ABCA9: variants seen among roughly 807,000 people sequenced by gnomAD.
ABCA9 encodes ATP binding cassette subfamily A member 9, also known as ATP-binding cassette sub-family A member 9.
In ABCA9, 183 loss-of-function variants were observed where a neutral mutation model predicts 205.3. That is an observed-to-expected ratio of 0.89 (90% CI 0.79 to 1.01). ABCA9 has a LOEUF of 1.01. Among genes scored for constraint, ABCA9 ranks in the 50% least tolerant of loss-of-function variants. The probability of loss-of-function intolerance (pLI) is 0.00; values close to 1 mark genes in which losing one functional copy is unlikely to be tolerated. For missense variants in ABCA9, 1,805 were observed against 1,912.4 expected (o/e 0.94, Z 1.05); for synonymous variants, 651 against 683.3 (o/e 0.95, Z 0.74).
rs765755245 is a variant in ABCA9 at position 68,990,850 on chromosome 17, C to T, written c.3824G>A (p.Arg1275Gln). 57 of 1,613,036 alleles carry T rather than the reference C, an allele frequency of 3.5e-5. No homozygotes were observed. In the South Asian group the frequency reaches 4.7e-4, roughly 13 times the overall value. Reference sequence around the variant, plus strand: ...TCTGAGTTCTACCTCATCAAAGTCTCGCACAGCCATAGCATTCACTGTTCT... The same window carrying T: ...TCTGAGTTCTACCTCATCAAAGTCTTGCACAGCCATAGCATTCACTGTTCT... ...RMRTVNAMAV[R>Q]DFDETPVIIA... is the part of the protein sequence containing the mutation. Residue 1275 changes from arginine to glutamine, a missense_variant, in exon 29 of 39, where the codon CGA (arginine) becomes CAA (glutamine). Physicochemically the swap from Arg to Gln is conservative, Grantham distance 43 (BLOSUM62 1). Transcript: ENST00000340001.
chr17:69,031,273 A>C (rs764771852), intron 10 of ABCA9, among the ~76,000 whole-genome samples: 1 of 152,230 alleles, frequency 6.6e-6, no homozygotes, highest in Non-Finnish European at 1.5e-5. Context: ...TGGAAAGAAC[A>C]TAAAACTTAG....
Position 69,011,810 on chromosome 17 carries a change from A to AGAT in ABCA9, c.3147+163_3147+165dup, listed in dbSNP as rs1209507967. ...CTGAGGTCTCACATTTGTTTCAGAA[A>AGAT]GATAGCATTTTCTTCATATTTGACA... On this transcript the variant is annotated intron_variant, in intron 23 of 38. Coordinates refer to ENST00000340001, the MANE Select transcript of ABCA9 (RefSeq NM_080283.4). The AGAT allele has an allele frequency of 2.7e-5, 13 of 486,884 alleles. No individual in the cohort carries two copies. The East Asian group carries it at 3.9e-4, about 15-fold the overall frequency. The allele number at this position is 486,884 out of a possible 1,614,324, so 30.2% of individuals were successfully genotyped here. A position where few individuals can be genotyped will look rare whatever the true frequency, so the allele number is the denominator to read the frequency against.
intron 19 of ABCA9, 30 bp from the exon 20 acceptor site, chr17:69,018,609 A>T: frequency 6.6e-7 from 1 of 1,516,952 alleles, no homozygotes; most frequent in Non-Finnish European, 8.8e-7. Flanking sequence ...AAAGAAAAAA[A>T]TAATTTTAGC....
chr17:69,024,152 C>A, intron 17 of ABCA9, 62 bp downstream of exon 17: 2 of 1,551,922 alleles, frequency 1.3e-6, no homozygotes, highest in Non-Finnish European at 1.8e-6. Context: ...TCATTCTTAT[C>A]ACCACTGTTA....
In ABCA9 at chr17:68,990,874, C is replaced by T; in HGVS notation, c.3800G>A (p.Arg1267Lys). The T allele has an allele frequency of 6.2e-7, 1 of 1,613,974 alleles. No individual in the cohort carries two copies. The highest frequency in any genetic ancestry group is 8.5e-7 in the Non-Finnish European group (1 of 1,179,928). ...EEEDIQMERM[R>K]TVNAMAVRDF... The stretch of plus-strand genomic sequence containing the variant: ...TCGCACAGCCATAGCATTCACTGTT[C>T]TCATTCTTTCCATCTGGATATCTTC... Residue 1267 changes from arginine (R) to lysine (K), a missense_variant, in exon 29 of 39, where the codon AGA (arginine) becomes AAA (lysine). Physicochemically the swap from Arg to Lys is conservative, Grantham distance 26 (BLOSUM62 2). Transcript: ENST00000340001.
intron 1 of ABCA9, among the ~76,000 whole-genome samples, chr17:69,054,571 A>G (rs2072009127): frequency 6.6e-6 from 1 of 151,786 alleles, no homozygotes; most frequent in Non-Finnish European, 1.5e-5. Flanking sequence ...ATTTACATAA[A>G]GAAAAAGCAT....
chr17:68,984,986 C>T lies in ABCA9; in HGVS notation c.4285-7G>A, dbSNP rs779191603. On this transcript the variant is annotated splice_polypyrimidine_tract_variant and splice_region_variant and intron_variant, in intron 33 of 38. Transcript: ENST00000340001. ...TGCTCAGCACAAAGCACAGCTGCAA[C>T]GGGAGGAACAGCCCCTCTGGTTCCC... The T allele has an allele frequency of 3.5e-5, 56 of 1,614,170 alleles. No individual in the cohort carries two copies. Among genetic ancestry groups the T allele is most frequent in the Admixed American group, 1.8e-4 (11 of 60,026 alleles).
At chr17:69,036,279 A>G (rs375907163) in intron 6 of ABCA9, among the ~76,000 whole-genome samples, 140 of 152,304 alleles carry the variant, frequency 9.2e-4, no homozygotes, top group African/African-American at 3.3e-3. Flanking sequence ...CATAAACAAT[A>G]TGTTAGTGAT....
At chr17:69,061,028 C>T (rs7212490), upstream of ABCA9, 930,834 of 985,322 alleles carry the variant, frequency 0.94, 440,472 homozygotes, top group East Asian at 1. Context: ...CCAGGAGAAT[C>T]TGGTCTCAGT....
At chr17:69,008,966 A>C (rs908572564) in intron 23 of ABCA9, among the ~76,000 whole-genome samples, 1 of 152,250 alleles carries the variant, frequency 6.6e-6, no homozygotes, top group Non-Finnish European at 1.5e-5. Flanking sequence ...ATTAGCAAAA[A>C]ACTGGAATGC....
intron 6 of ABCA9, among the ~76,000 whole-genome samples, chr17:69,037,700 C>G (rs972739579): frequency 3.3e-5 from 5 of 151,368 alleles, no homozygotes; most frequent in Non-Finnish European, 5.9e-5. Flanking sequence ...TCAGGAGACA[C>G]AAAATAACTA....
At position 69,023,207 on chromosome 17, in the gene ABCA9, T is replaced by C. The variant is rs942102472; in HGVS notation, c.2281+1007A>G. The C allele has an allele frequency of 2.0e-5, 3 of 152,204 alleles. No individual in the cohort carries two copies. Among genetic ancestry groups the C allele is most frequent in the African/African-American group, 7.2e-5 (3 of 41,474 alleles). 9.4% of individuals were successfully genotyped at this position (152,204 alleles called of 1,614,324 possible). ...GTGTTTCTTTCTTAGTGGTACATCC[T>C]GTAGTTGAGGGCTTCTTACACCTGA... On this transcript the variant is annotated intron_variant, in intron 17 of 38. Transcript: ENST00000340001. The surrounding 1 kb of genome is among the most constrained non-coding windows in gnomAD (Gnocchi z 4.2).
chr17:68,983,620 C>G (rs532475791), intron 36 of ABCA9, 89 bp downstream of exon 36: 20 of 1,523,426 alleles, frequency 1.3e-5, no homozygotes, highest in Non-Finnish European at 1.8e-5. Context: ...AGTTAAAGAA[C>G]GAGAAGATAA....
At chr17:69,006,433 G>A (rs2070131744) in intron 25 of ABCA9, among the ~76,000 whole-genome samples, 2 of 152,162 alleles carry the variant, frequency 1.3e-5, no homozygotes, top group South Asian at 4.1e-4. Flanking sequence ...ACATTCATCA[G>A]TAGACTATTA....
Position 69,028,814 on chromosome 17 carries a change from T to C in ABCA9, c.1505-169A>G, listed in dbSNP as rs149440116. Among the ~76,000 whole-genome samples, 24 of 152,342 alleles carry C rather than the reference T, an allele frequency of 1.6e-4. No individual in the cohort carries two copies. The East Asian group carries it at 4.6e-3, about 29-fold the overall frequency. On this transcript the variant is annotated intron_variant, in intron 11 of 38. Coordinates refer to ENST00000340001, the MANE Select transcript of ABCA9 (RefSeq NM_080283.4). ...ACTGTATTTCAACATTTTGTAGTGATAGTATTGTCAATATGTTATTATGCA... is the reference window on the plus strand; with the variant it reads ...ACTGTATTTCAACATTTTGTAGTGACAGTATTGTCAATATGTTATTATGCA...
At chr17:69,013,114 C>A (rs1013439042) in intron 22 of ABCA9, among the ~76,000 whole-genome samples, 5 of 151,842 alleles carry the variant, frequency 3.3e-5, no homozygotes, top group African/African-American at 1.2e-4. Context: ...TTTATCCATT[C>A]ATCTGTTGAT....
intron 4 of ABCA9, 119 bp downstream of exon 4, chr17:69,045,053 T>G: frequency 1.4e-6 from 1 of 722,382 alleles, no homozygotes; most frequent in East Asian, 2.8e-5. Flanking sequence ...TGTTCAGAAA[T>G]TAAAGCTCTA....
intron 5 of ABCA9, among the ~76,000 whole-genome samples, chr17:69,044,240 T>A (rs571171352): frequency 1.3e-5 from 2 of 152,274 alleles, no homozygotes; most frequent in Admixed American, 1.3e-4. Context: ...AATTCTATGA[T>A]AGAATCTAAA....
chr17:69,035,468 C>A lies in ABCA9; in HGVS notation c.943-37G>T, dbSNP rs373825286. ...GAAAGACTTCAGCTGGTATATAATT[C>A]TGTGAGAACAGTAGCACAAAAAAGG... On this transcript the variant is annotated intron_variant, in intron 7 of 38. Coordinates refer to ENST00000340001, the MANE Select transcript of ABCA9 (RefSeq NM_080283.4). The A allele has an allele frequency of 2.7e-6, 4 of 1,501,948 alleles. No homozygotes were observed. In the African/African-American group the frequency reaches 4.2e-5, roughly 16 times the overall value. 93.0% of individuals were successfully genotyped at this position (1,501,948 alleles called of 1,614,324 possible). A position where few individuals can be genotyped will look rare whatever the true frequency, so the allele number is the denominator to read the frequency against.
Sources: gnomAD v4.1 joint callset for allele counts (sites outside exome capture counted in the v4.1 genomes callset) on GRCh38, gnomAD v4.1.1 for gene constraint, Gnocchi (gnomAD v3.1) non-coding constraint, MANE v1.5 for transcripts, NCBI Gene and HGNC (gene_info 2026-07-23, HGNC 2026-07-21) for gene names.